The following FAT3 variants were observed in gnomAD, a reference collection of about 807,000 sequenced individuals.
FAT3 encodes FAT atypical cadherin 3, also known as protocadherin Fat 3.
A neutral mutation model predicts 310.2 loss-of-function variants in FAT3; 95 were observed. The observed-to-expected ratio is 0.31, with a 90% CI of 0.26 to 0.36. The LOEUF is 0.36. Ranked by LOEUF, FAT3 falls within the 10% of genes least tolerant of loss-of-function variation. The pLI, the probability that FAT3 is intolerant of heterozygous loss-of-function variation, is 1.00. For missense variants in FAT3, 5,408 were observed against 5,715.6 expected (o/e 0.95, Z 1.74); for synonymous variants, 2,314 against 2,192.9 (o/e 1.06, Z -1.54).
intron 4 of FAT3, among the ~76,000 whole-genome samples, chr11:92,759,055 T>C (rs1351185064): frequency 6.6e-6 from 1 of 152,152 alleles, no homozygotes; most frequent in Non-Finnish European, 1.5e-5. Flanking sequence ...GCACAAGAGA[T>C]ACACATTGGA....
chr11:92,585,577 A>G (rs769248932), intron 3 of FAT3, among the ~76,000 whole-genome samples: 11 of 152,032 alleles, frequency 7.2e-5, no homozygotes, highest in Non-Finnish European at 1.6e-4. Context: ...AATGCTTTAC[A>G]TGTATGAACA....
At chr11:92,368,655 C>T (rs775365915) in intron 2 of FAT3, among the ~76,000 whole-genome samples, 1 of 151,966 alleles carries the variant, frequency 6.6e-6, no homozygotes, top group Non-Finnish European at 1.5e-5. Flanking sequence ...CTAATTTCTC[C>T]TCCAAAACTG....
chr11:92,772,172 A>G (rs1034777049), intron 6 of FAT3, among the ~76,000 whole-genome samples: 1 of 152,196 alleles, frequency 6.6e-6, no homozygotes, highest in Non-Finnish European at 1.5e-5. Context: ...AAGAAAGTTA[A>G]CATTTTGGTA....
At chr11:92,618,125 C>G (rs192795433) in intron 3 of FAT3, among the ~76,000 whole-genome samples, 16 of 152,332 alleles carry the variant, frequency 1.1e-4, no homozygotes, top group African/African-American at 3.4e-4. Flanking sequence ...CTGCGGTGGG[C>G]TCCACCCAGT....
At chr11:92,301,391 A>T (rs1230694384) in intron 1 of FAT3, among the ~76,000 whole-genome samples, 1 of 152,064 alleles carries the variant, frequency 6.6e-6, no homozygotes, top group Non-Finnish European at 1.5e-5. Context: ...GCTCACTGGG[A>T]TGGAGGTGGC....
chr11:92,601,466 G>T (rs1432146374), intron 3 of FAT3, among the ~76,000 whole-genome samples: 1 of 152,076 alleles, frequency 6.6e-6, no homozygotes, highest in Non-Finnish European at 1.5e-5. Flanking sequence ...GTGGTGGCAG[G>T]TGCCTGTAAT....
chr11:92,530,399 A>T (rs520597), intron 3 of FAT3, among the ~76,000 whole-genome samples: 3 of 151,864 alleles, frequency 2.0e-5, no homozygotes, highest in African/African-American at 7.3e-5. Context: ...AGGACAAGAC[A>T]GCAAACTTTA....
rs1027779517 is a variant in FAT3 at position 92,656,869 on chromosome 11, C to T, written c.3608-40515C>T. Among the ~76,000 whole-genome samples the T allele has an allele frequency of 2.6e-5, 4 of 152,046 alleles. No individual in the cohort carries two copies. In the South Asian group the frequency reaches 8.3e-4, roughly 32 times the overall value. On this transcript the variant is annotated intron_variant, in intron 3 of 27. Transcript: ENST00000525166. ...GAACTCTTCATAAAATGTCTTTTAC[C>T]ATTTATTTCTTTACCACTTTCTCCT...
intron 4 of FAT3, among the ~76,000 whole-genome samples, chr11:92,711,146 A>G (rs1944507683): frequency 6.6e-6 from 1 of 152,208 alleles, no homozygotes; most frequent in Non-Finnish European, 1.5e-5. Flanking sequence ...AATCTTTCAG[A>G]ACTTTCTTTT....
At chr11:92,530,941 T>C (rs1954045700) in intron 3 of FAT3, among the ~76,000 whole-genome samples, 1 of 150,886 alleles carries the variant, frequency 6.6e-6, no homozygotes, top group Non-Finnish European at 1.5e-5. Flanking sequence ...CAAATATTGG[T>C]GCTTGTTTTT....
At chr11:92,370,963 A>G (rs560622422) in intron 2 of FAT3, among the ~76,000 whole-genome samples, 26 of 152,354 alleles carry the variant, frequency 1.7e-4, no homozygotes, top group African/African-American at 6.3e-4. Context: ...GTTTGCACTA[A>G]TATACATTAA....
intron 2 of FAT3, among the ~76,000 whole-genome samples, chr11:92,394,697 A>C (rs1307804297): frequency 6.6e-6 from 1 of 152,000 alleles, no homozygotes; most frequent in Non-Finnish European, 1.5e-5. Flanking sequence ...ATATATAACA[A>C]AAATTTAAAG....
At chr11:92,289,995 T>A (rs1405275975) in intron 1 of FAT3, among the ~76,000 whole-genome samples, 1 of 152,112 alleles carries the variant, frequency 6.6e-6, no homozygotes. Context: ...ACTCACTGAG[T>A]TTTGACACAC....
Position 92,798,433 on chromosome 11 carries a change from G to T in FAT3, c.5420G>T (p.Arg1807Leu). 6.2e-7 allele frequency: 1 copy of T among 1,613,176 alleles called. No individual in the cohort carries two copies. The highest frequency in any genetic ancestry group is 1.3e-5 in the African/African-American group (1 of 74,988). ...CGAGCCACAGATGCTGACAGCAACC[G>T]GAATGCTCTGCTTGTGTATCAGATT... ...VIRATDADSNRNALLVYQIVE... is the reference protein window; with the variant it reads ...VIRATDADSNLNALLVYQIVE... The change falls in exon 10 of 28, where the codon CGG becomes CTG. Residue 1807 changes from arginine (R) to leucine (L), a missense_variant. Physicochemically the swap from Arg to Leu is moderately radical, Grantham distance 102. This residue lies in a region of FAT3 where 4,588 missense variants were observed against 4,809.8 expected (regional missense o/e 0.95). Transcript: ENST00000525166.
intron 2 of FAT3, among the ~76,000 whole-genome samples, chr11:92,490,572 CTGT>C (rs1196138815): frequency 6.6e-6 from 1 of 151,824 alleles, no homozygotes; most frequent in Admixed American, 6.6e-5. Context: ...TTGTTTTTTG[CTGT>C]TGTTGTTGCT....
intron 1 of FAT3, among the ~76,000 whole-genome samples, chr11:92,331,001 TGTGAGAGAGA>T (rs879440078): frequency 3.6e-3 from 428 of 117,782 alleles, no homozygotes; most frequent in Middle Eastern, 7.8e-3. Flanking sequence ...TGTGTGTGTG[TGTGAGAGAGA>T]GAGAGAGAGA....
At chr11:92,397,404 C>A (rs1949896191) in intron 2 of FAT3, among the ~76,000 whole-genome samples, 1 of 152,092 alleles carries the variant, frequency 6.6e-6, no homozygotes. Flanking sequence ...CGCATGGGTC[C>A]CCTAAGGTTC....
intron 2 of FAT3, among the ~76,000 whole-genome samples, chr11:92,463,371 C>T (rs944095392): frequency 2.0e-5 from 3 of 152,188 alleles, no homozygotes; most frequent in Admixed American, 1.3e-4. Context: ...TGGAACAAGA[C>T]TACCTGTCTA....
Position 92,887,231 on chromosome 11 carries a change from G to A in FAT3, c.13051+118G>A. ...TTTCTCAACCTGTTCATGGGCTTTT[G>A]AGCGTGTTCACCAGGTCCCTGGTTT... On this transcript the variant is annotated intron_variant, in intron 25 of 27. Coordinates refer to ENST00000525166, the MANE Select transcript of FAT3 (RefSeq NM_001367949.2). 7.2e-6 allele frequency: 6 copies of A among 832,522 alleles called. No individual in the cohort carries two copies. In the South Asian group the frequency reaches 8.4e-5, roughly 12 times the overall value. The allele number at this position is 832,522 out of a possible 1,614,324, so 51.6% of individuals were successfully genotyped here.
Sources: allele counts gnomAD v4.1 joint callset (sites outside exome capture counted in the v4.1 genomes callset), GRCh38; gene constraint gnomAD v4.1.1; regional missense constraint gnomAD v4.1.1; transcripts MANE v1.5; gene names NCBI Gene and HGNC (gene_info 2026-07-23, HGNC 2026-07-21).